ZNF25: variants seen among roughly 807,000 people sequenced by gnomAD.
The protein encoded by ZNF25 is zinc finger protein 25 (KOX 19).
ZNF25 carries 21 observed loss-of-function variants against 30.9 expected under a neutral mutation model. That is an observed-to-expected ratio of 0.68 (90% CI 0.48 to 0.98). ZNF25 has a LOEUF of 0.98. Among genes scored for constraint, ZNF25 ranks in the 50% least tolerant of loss-of-function variants. The pLI, the probability that ZNF25 is intolerant of heterozygous loss-of-function variation, is 0.00. For missense variants in ZNF25, 501 were observed against 529.9 expected (o/e 0.95, Z 0.54); for synonymous variants, 169 against 181.3 (o/e 0.93, Z 0.55).
At chr10:37,965,507 A>C (rs1038755020) in intron 2 of ZNF25, among the ~76,000 whole-genome samples, 1 of 152,244 alleles carries the variant, frequency 6.6e-6, no homozygotes, top group Non-Finnish European at 1.5e-5. Context: ...TGCTGAAAGA[A>C]AAGAATTCTA....
At chr10:37,956,682 C>T (rs1185006132) in intron 4 of ZNF25, among the ~76,000 whole-genome samples, 1 of 151,942 alleles carries the variant, frequency 6.6e-6, no homozygotes, top group Admixed American at 6.6e-5. Context: ...TTTGGGAGGC[C>T]GAGGTGGGCA....
Position 37,949,953 on chromosome 10 carries a change from A to G in ZNF25, c.*2174T>C, listed in dbSNP as rs908689058. 4 of 152,670 alleles carry G rather than the reference A, an allele frequency of 2.6e-5. No homozygotes were observed. Among genetic ancestry groups the G allele is most frequent in the African/African-American group, 9.6e-5 (4 of 41,460 alleles). The allele number at this position is 152,670 out of a possible 1,614,324, so 9.5% of individuals were successfully genotyped here. On this transcript the variant is annotated 3_prime_UTR_variant, in exon 6 of 6. Transcript: ENST00000302609. Reference sequence around the variant, plus strand: ...TGATGTTATGACAATTTAGCAAGTAAAAAACACATTTCTTTGAAAAAAATA... The same window carrying G: ...TGATGTTATGACAATTTAGCAAGTAGAAAACACATTTCTTTGAAAAAAATA...
rs9299755 is a variant in ZNF25, at chr10:37,956,915, C to CAAA, written c.238+102_238+104dup. 3,665 of 514,276 alleles carry CAAA rather than the reference C, an allele frequency of 7.1e-3. 1 individual carries two copies. The highest frequency in any genetic ancestry group is 0.013 in the South Asian group (492 of 36,576). The allele number at this position is 514,276 out of a possible 1,614,324, so 31.9% of individuals were successfully genotyped here. The stretch of plus-strand genomic sequence containing the variant: ...GGACAACAAGAGTGAAACTCTGTTT[C>CAAA]AAAAAAAAAAAAAAAAAAAGTGAGA... On this transcript the variant is annotated intron_variant, in intron 4 of 5. Coordinates refer to ENST00000302609, the MANE Select transcript of ZNF25 (RefSeq NM_145011.4).
At chr10:37,970,685 A>G (rs2063440557) in intron 2 of ZNF25, among the ~76,000 whole-genome samples, 2 of 152,216 alleles carry the variant, frequency 1.3e-5, no homozygotes, top group East Asian at 1.9e-4. Context: ...AGCTTCCTCT[A>G]CCTTTTTGAT....
intron 2 of ZNF25, among the ~76,000 whole-genome samples, chr10:37,960,983 T>C (rs1439161686): frequency 6.6e-6 from 1 of 152,190 alleles, no homozygotes; most frequent in Non-Finnish European, 1.5e-5. Context: ...TGTAAACTTC[T>C]ATGCTCAGAG....
At chr10:37,976,179 C>G (rs550414513) in intron 1 of ZNF25, among the ~76,000 whole-genome samples, 5 of 152,236 alleles carry the variant, frequency 3.3e-5, no homozygotes, top group Non-Finnish European at 7.3e-5. Context: ...CACCTACAGA[C>G]GCTGGACCAG....
rs148373361 is a variant in ZNF25, at chr10:37,954,536, G to A, written c.239-778C>T. Among the ~76,000 whole-genome samples, 990 of 152,258 alleles carry A rather than the reference G, an allele frequency of 6.5e-3. 10 individuals carry two copies. Among genetic ancestry groups the A allele is most frequent in the South Asian group, 0.054 (262 of 4,828 alleles). On this transcript the variant is annotated intron_variant, in intron 4 of 5. Coordinates refer to ENST00000302609, the MANE Select transcript of ZNF25 (RefSeq NM_145011.4). ...TGTACCACCAGAGATTTTCAATCCT[G>A]AACTCATCCTGACCATCAAATCCTG...
At chr10:37,953,224 G>A (rs1188102534) in intron 5 of ZNF25, 29 bp from the exon 6 acceptor site, 1 of 1,540,700 alleles carries the variant, frequency 6.5e-7, no homozygotes, top group Non-Finnish European at 8.7e-7. Context: ...ATTCATTAAT[G>A]TGTAAGACTT....
Position 37,951,967 on chromosome 10 carries a change from A to G in ZNF25, c.*160T>C, listed in dbSNP as rs1044653116. On this transcript the variant is annotated 3_prime_UTR_variant, in exon 6 of 6. Coordinates refer to ENST00000302609, the MANE Select transcript of ZNF25 (RefSeq NM_145011.4). ...TATGATAAAATTTTCTCCCAAATAA[A>G]TGTACAGAATCTCTCTATGTATTTG... 5.5e-6 allele frequency: 3 copies of G among 542,682 alleles called. No individual in the cohort carries two copies. In the African/African-American group the frequency reaches 5.8e-5, roughly 11 times the overall value. 33.6% of individuals were successfully genotyped at this position (542,682 alleles called of 1,614,324 possible).
chr10:37,953,097 A>G lies in ZNF25; in HGVS notation c.401T>C (p.Ile134Thr). Residue 134 changes from isoleucine to threonine, a missense_variant, in exon 6 of 6, where the codon ATA (isoleucine) becomes ACA (threonine). Physicochemically the swap from Ile to Thr is moderately conservative, Grantham distance 89 (BLOSUM62 -1). Transcript: ENST00000302609. ...GKFFCQKSAL[I>T]VHQHTHSKGK... ...CTTTGAGTGAGTATGCTGATGTACTATGAGGGCAGACTTCTGGCAGAAGAA... is the reference window on the plus strand; with the variant it reads ...CTTTGAGTGAGTATGCTGATGTACTGTGAGGGCAGACTTCTGGCAGAAGAA... 4.3e-6 allele frequency: 7 copies of G among 1,613,668 alleles called. No individual in the cohort carries two copies. Among genetic ancestry groups the G allele is most frequent in the Middle Eastern group, 3.3e-4 (2 of 6,056 alleles).
chr10:37,974,812 C>T (rs1469818613), intron 1 of ZNF25, among the ~76,000 whole-genome samples: 3 of 152,236 alleles, frequency 2.0e-5, no homozygotes, highest in East Asian at 1.9e-4. Flanking sequence ...CTCTGCACTC[C>T]CATTTTTATC....
intron 1 of ZNF25, among the ~76,000 whole-genome samples, chr10:37,975,855 A>G (rs918814077): frequency 2.0e-5 from 3 of 152,162 alleles, no homozygotes; most frequent in Non-Finnish European, 4.4e-5. Context: ...AATACAAGTC[A>G]AGACTGGATT....
rs747710606 is a variant in ZNF25 at position 37,971,711 on chromosome 10, G to A, written c.12C>T (p.Phe4=). Residue 4 remains phenylalanine, a synonymous_variant, in exon 2 of 6, where the codon TTC becomes TTT. Coordinates refer to ENST00000302609, the MANE Select transcript of ZNF25 (RefSeq NM_145011.4). The part of the protein sequence containing the change: MNK[F]QGPVTLKDVI... ...TAGGGCTAAGTAAATGACTCACCTG[G>A]AACTTGTTCATTTTCTGCTGCTCTT... is the stretch of plus-strand genomic sequence containing the variant. 6.2e-7 allele frequency: 1 copy of A among 1,612,638 alleles called. No individual in the cohort carries two copies. Among genetic ancestry groups the A allele is most frequent in the Non-Finnish European group, 8.5e-7 (1 of 1,179,812 alleles).
chr10:37,953,411 C>T (rs1047622452), intron 5 of ZNF25: 1 of 608,448 alleles, frequency 1.6e-6, no homozygotes, highest in Non-Finnish European at 2.8e-6. Flanking sequence ...GCATTCTATT[C>T]ACAGGGTCTC....
At chr10:37,956,039 T>C (rs1376292301) in intron 4 of ZNF25, among the ~76,000 whole-genome samples, 1 of 152,202 alleles carries the variant, frequency 6.6e-6, no homozygotes, top group Non-Finnish European at 1.5e-5. Flanking sequence ...GCAACTAATA[T>C]GTACTAGGCA....
At chr10:37,971,607 G>C (rs1161455589) in intron 2 of ZNF25, 101 bp downstream of exon 2, 4 of 1,555,810 alleles carry the variant, frequency 2.6e-6, no homozygotes, top group East Asian at 2.3e-5. Flanking sequence ...TAGTATATGG[G>C]CTCTCGTTCA....
chr10:37,955,347 G>A (rs1332235796), intron 4 of ZNF25, among the ~76,000 whole-genome samples: 1 of 152,046 alleles, frequency 6.6e-6, no homozygotes, highest in Non-Finnish European at 1.5e-5. Flanking sequence ...TTTGTCTAAA[G>A]GACTTAATAC....
At chr10:37,961,312 C>T (rs1236768298) in intron 2 of ZNF25, among the ~76,000 whole-genome samples, 1 of 152,090 alleles carries the variant, frequency 6.6e-6, no homozygotes. Context: ...CATACAAGTA[C>T]TAGTTTCTTA....
At chr10:37,975,466 A>G (rs1402893294) in intron 1 of ZNF25, among the ~76,000 whole-genome samples, 2 of 152,142 alleles carry the variant, frequency 1.3e-5, no homozygotes, top group Non-Finnish European at 2.9e-5. Context: ...CTCAGTTATC[A>G]GCCAATGAGA....
Sources: gnomAD v4.1 joint callset for allele counts (sites outside exome capture counted in the v4.1 genomes callset) on GRCh38, gnomAD v4.1.1 for gene constraint, MANE v1.5 for transcripts, NCBI Gene and HGNC (gene_info 2026-07-23, HGNC 2026-07-21) for gene names.